The following SH3GL3 variants were observed in gnomAD, a reference collection of about 807,000 sequenced individuals.
The protein encoded by SH3GL3 is endophilin-A3.
SH3GL3 carries 33 observed loss-of-function variants against 47.7 expected under a neutral mutation model. That is an observed-to-expected ratio of 0.69 (90% CI 0.52 to 0.92). The LOEUF (loss-of-function observed/expected upper bound fraction) is 0.92. Ranked by LOEUF, SH3GL3 falls within the 40% of genes least tolerant of loss-of-function variation. SH3GL3 has a pLI of 0.00. For synonymous variants in SH3GL3, 155 were observed against 148.8 expected (o/e 1.04, Z -0.30); for missense variants, 363 against 417.8 (o/e 0.87, Z 1.14).
chr15:83,522,589 T>C (rs184758449), intron 1 of SH3GL3, among the ~76,000 whole-genome samples: 9 of 152,372 alleles, frequency 5.9e-5, no homozygotes, highest in Admixed American at 5.9e-4. Flanking sequence ...TACGTTAATT[T>C]AACTCTAGAA....
chr15:83,479,516 T>C (rs894767719), intron 1 of SH3GL3, among the ~76,000 whole-genome samples: 3 of 152,154 alleles, frequency 2.0e-5, no homozygotes, highest in South Asian at 2.1e-4. Flanking sequence ...ACAGACAGCA[T>C]AGAAGCCACC....
intron 1 of SH3GL3, among the ~76,000 whole-genome samples, chr15:83,510,772 C>T (rs1398636106): frequency 1.3e-5 from 2 of 151,962 alleles, no homozygotes; most frequent in African/African-American, 4.8e-5. Flanking sequence ...TGATGTTGAG[C>T]TTCCTGGCAG....
chr15:83,629,175 T>G, the SH3GL3 span, among the ~76,000 whole-genome samples: 3 of 152,210 alleles, frequency 2.0e-5, no homozygotes, highest in South Asian at 2.1e-4. Flanking sequence ...ACATTCAATG[T>G]AATTCAAATA....
At chr15:83,469,318 G>A (rs900635108) in intron 1 of SH3GL3, among the ~76,000 whole-genome samples, 8 of 151,644 alleles carry the variant, frequency 5.3e-5, no homozygotes, top group East Asian at 3.9e-4. Context: ...TTTCAATTTC[G>A]TTGATTTCTG....
At chr15:83,513,079 C>T (rs2042834167) in intron 1 of SH3GL3, among the ~76,000 whole-genome samples, 1 of 152,150 alleles carries the variant, frequency 6.6e-6, no homozygotes, top group South Asian at 2.1e-4. Flanking sequence ...TTGTACTTTT[C>T]CTGCTGTGAA....
At chr15:83,601,830 C>CTT (rs796770350) in intron 8 of SH3GL3, among the ~76,000 whole-genome samples, 6 of 127,888 alleles carry the variant, frequency 4.7e-5, no homozygotes, top group African/African-American at 1.4e-4. Context: ...TGGTCCTGGA[C>CTT]TTTTTTTTTT....
intron 7 of SH3GL3, 44 bp from the exon 8 acceptor site, chr15:83,588,618 T>C: frequency 8.2e-7 from 1 of 1,220,332 alleles, no homozygotes; most frequent in Non-Finnish European, 1.2e-6. Flanking sequence ...TTTGGAAAGC[T>C]TTCAACATCA....
chr15:83,471,331 G>T (rs2040819853), intron 1 of SH3GL3, among the ~76,000 whole-genome samples: 1 of 152,152 alleles, frequency 6.6e-6, no homozygotes, highest in Non-Finnish European at 1.5e-5. Context: ...CCTGGCTTTT[G>T]TAAGGTTAAA....
chr15:83,473,711 C>T (rs2040952996), intron 1 of SH3GL3, among the ~76,000 whole-genome samples: 1 of 151,966 alleles, frequency 6.6e-6, no homozygotes, highest in South Asian at 2.1e-4. Flanking sequence ...CCACGTCCGG[C>T]TAATTTTTTG....
At chr15:83,539,582 G>A (rs189908512) in intron 1 of SH3GL3, among the ~76,000 whole-genome samples, 2 of 152,194 alleles carry the variant, frequency 1.3e-5, no homozygotes, top group Admixed American at 6.5e-5. Flanking sequence ...TTAAAATATT[G>A]AATCTATTTG....
intron 8 of SH3GL3, among the ~76,000 whole-genome samples, chr15:83,591,869 T>C (rs1403992989): frequency 2.0e-5 from 3 of 152,034 alleles, no homozygotes; most frequent in Non-Finnish European, 2.9e-5. Context: ...GTATTTTTAA[T>C]AGGGACGGGG....
chr15:83,558,500 T>G (rs1395774597), intron 1 of SH3GL3, among the ~76,000 whole-genome samples: 1 of 47,494 alleles, frequency 2.1e-5, no homozygotes, highest in East Asian at 2.5e-4. Flanking sequence ...TGTGTGTGTG[T>G]GTATATGTGT....
chr15:83,572,530 C>A (rs2303825), intron 4 of SH3GL3, 35 bp from the exon 5 acceptor site: 2 of 1,589,524 alleles, frequency 1.3e-6, no homozygotes, highest in East Asian at 4.5e-5. Flanking sequence ...GTAGTGTTCC[C>A]AAAGAACCTT....
At chr15:83,551,282 G>A (rs1352085532) in intron 1 of SH3GL3, among the ~76,000 whole-genome samples, 1 of 152,176 alleles carries the variant, frequency 6.6e-6, no homozygotes, top group East Asian at 1.9e-4. Context: ...GGTCTAATTT[G>A]CAGCATAAAT....
In SH3GL3 at chr15:83,533,576, A is replaced by G. The variant is rs74024509; in HGVS notation, c.46-25677A>G. ...TTCAGTCATTAGCATTTCCAGTTCT[A>G]TGTGATAATCACAAGTTGAATGCTG... is the stretch of plus-strand genomic sequence containing the variant. On this transcript the variant is annotated intron_variant, in intron 1 of 8. Transcript: ENST00000427482. Among the ~76,000 whole-genome samples, 499 of 152,302 alleles carry G rather than the reference A, an allele frequency of 3.3e-3. 5 individuals carry two copies. Among genetic ancestry groups the G allele is most frequent in the African/African-American group, 0.012 (478 of 41,564 alleles).
intron 8 of SH3GL3, among the ~76,000 whole-genome samples, chr15:83,605,873 A>G (rs183184328): frequency 3.2e-3 from 487 of 152,266 alleles, no homozygotes; most frequent in Non-Finnish European, 4.9e-3. Flanking sequence ...GTGCCTGTGT[A>G]GCTCCCAGAA....
intron 1 of SH3GL3, among the ~76,000 whole-genome samples, chr15:83,542,773 G>T (rs2044225848): frequency 6.6e-6 from 1 of 151,910 alleles, no homozygotes; most frequent in African/African-American, 2.4e-5. Flanking sequence ...ATTGTTTTTT[G>T]TGGACATATA....
intron 1 of SH3GL3, among the ~76,000 whole-genome samples, chr15:83,553,552 CAG>C (rs1360435808): frequency 1.3e-5 from 2 of 152,140 alleles, no homozygotes; most frequent in Admixed American, 6.5e-5. Flanking sequence ...GGTTTTCTAA[CAG>C]TGTGCTGGTA....
In SH3GL3 at chr15:83,466,723, T is replaced by C. The variant is rs78975374; in HGVS notation, c.45+19145T>C. Among the ~76,000 whole-genome samples the C allele has an allele frequency of 4.7e-3, 711 of 152,350 alleles. 3 individuals are homozygous for C. Among genetic ancestry groups the C allele is most frequent in the African/African-American group, 0.015 (632 of 41,594 alleles). On this transcript the variant is annotated intron_variant, in intron 1 of 8. Transcript: ENST00000427482. ...ACATCCTCTCCACCATTTATTGTCA[T>C]TCTTTTTAATTTTAGCCTTTCTGTT...
Sources: allele counts gnomAD v4.1 joint callset (sites outside exome capture counted in the v4.1 genomes callset), GRCh38; gene constraint gnomAD v4.1.1; transcripts MANE v1.5; gene names NCBI Gene and HGNC (gene_info 2026-07-23, HGNC 2026-07-21).